TMEM45A: variants seen among roughly 807,000 people sequenced by gnomAD.
TMEM45A encodes transmembrane protein 45A, also known as DNA polymerase-transactivated protein 4.
In TMEM45A, 25 loss-of-function variants were observed where a neutral mutation model predicts 32.0. The ratio of observed to expected loss-of-function variants is 0.78; its 90% CI spans 0.57 to 1.09. TMEM45A has a LOEUF of 1.09. Among genes scored for constraint, TMEM45A ranks in the 50% least tolerant of loss-of-function variants. TMEM45A has a pLI of 0.00. For synonymous variants in TMEM45A, 122 were observed against 114.8 expected, an observed-to-expected ratio of 1.06 and a Z score of -0.40; for missense variants, 302 against 325.0, an observed-to-expected ratio of 0.93 and a Z score of 0.54.
At chr3:100,550,211 A>AAAAAAAAAAG (rs1706067672) in intron 1 of TMEM45A, among the ~76,000 whole-genome samples, 1 of 65,018 alleles carries the variant, frequency 1.5e-5, no homozygotes, top group East Asian at 3.9e-4. Context: ...AAAAAAAGAA[A>AAAAAAAAAAG]AAAAAATAAA....
intron 1 of TMEM45A, among the ~76,000 whole-genome samples, chr3:100,520,381 GA>G (rs1339286226): frequency 1.3e-5 from 2 of 152,020 alleles, no homozygotes; most frequent in Non-Finnish European, 2.9e-5. Flanking sequence ...TTTGGTCCAT[GA>G]AAAAAATAAT....
At chr3:100,536,440 TA>T (rs1211522909) in intron 1 of TMEM45A, among the ~76,000 whole-genome samples, 4 of 152,204 alleles carry the variant, frequency 2.6e-5, no homozygotes, top group African/African-American at 4.8e-5. Flanking sequence ...CTTCCTACAC[TA>T]AAAGATAAGT....
intron 1 of TMEM45A, among the ~76,000 whole-genome samples, chr3:100,505,413 G>A (rs1020692460): frequency 6.6e-6 from 1 of 151,816 alleles, no homozygotes; most frequent in African/African-American, 2.4e-5. Flanking sequence ...TTCAGAAGAA[G>A]ATTTCATTGT....
At chr3:100,562,320 C>T (rs770861848) in intron 4 of TMEM45A, among the ~76,000 whole-genome samples, 19 of 151,902 alleles carry the variant, frequency 1.3e-4, no homozygotes, top group Non-Finnish European at 2.8e-4. Flanking sequence ...GTGGCAGTTT[C>T]TAGCCTTAGT....
In TMEM45A at chr3:100,555,327, A is replaced by G. The variant is rs371234076; in HGVS notation, c.116A>G (p.Tyr39Cys). The G allele has an allele frequency of 4.3e-6, 7 of 1,613,964 alleles. No individual in the cohort carries two copies. Among genetic ancestry groups the G allele is most frequent in the African/African-American group, 2.7e-5 (2 of 74,932 alleles). Residue 39 changes from tyrosine (Y) to cysteine (C), a missense_variant, in exon 2 of 6, where the codon TAT becomes TGT. Transcript: ENST00000323523. Reference sequence around the variant, plus strand: ...TGCAAAAAGCAAAAGCGAACCTGCTATCTTGGTTCCAAAACATTATTCTAT... The same window carrying G: ...TGCAAAAAGCAAAAGCGAACCTGCTGTCTTGGTTCCAAAACATTATTCTAT... ...YICKKQKRTC[Y>C]LGSKTLFYRL...
At chr3:100,541,366 A>G (rs925298737) in intron 1 of TMEM45A, among the ~76,000 whole-genome samples, 1 of 152,046 alleles carries the variant, frequency 6.6e-6, no homozygotes, top group African/African-American at 2.4e-5. Context: ...TTTTGTCGCA[A>G]TTGTTTTTGG....
At chr3:100,526,013 C>T (rs183817277) in intron 1 of TMEM45A, among the ~76,000 whole-genome samples, 24 of 152,310 alleles carry the variant, frequency 1.6e-4, no homozygotes, top group Admixed American at 8.5e-4. Flanking sequence ...TTCTCTCCCG[C>T]GGCTCTGACT....
At chr3:100,522,241 G>A (rs1235781496) in intron 1 of TMEM45A, among the ~76,000 whole-genome samples, 1 of 152,222 alleles carries the variant, frequency 6.6e-6, no homozygotes, top group Non-Finnish European at 1.5e-5. Flanking sequence ...CCAGGCAGTG[G>A]TTTGGGGGGC....
At chr3:100,516,967 G>A (rs569360412) in intron 1 of TMEM45A, among the ~76,000 whole-genome samples, 1 of 152,212 alleles carries the variant, frequency 6.6e-6, no homozygotes, top group East Asian at 1.9e-4. Flanking sequence ...CCTGCTCCCA[G>A]AGAGCTCTGG....
chr3:100,567,037 G>A (rs956921262), intron 4 of TMEM45A, among the ~76,000 whole-genome samples: 3 of 151,652 alleles, frequency 2.0e-5, no homozygotes, highest in South Asian at 2.1e-4. Flanking sequence ...TTTTGGTGTC[G>A]TAGCTTAAAA....
At chr3:100,526,105 A>G (rs1350750146) in intron 1 of TMEM45A, among the ~76,000 whole-genome samples, 1 of 152,042 alleles carries the variant, frequency 6.6e-6, no homozygotes, top group African/African-American at 2.4e-5. Flanking sequence ...TCCCTTTCAT[A>G]TACTCTGTGT....
At chr3:100,575,363 C>CTTTTTTTTTTTTTTTTTT (rs59739893) in intron 5 of TMEM45A, among the ~76,000 whole-genome samples, 1 of 62,762 alleles carries the variant, frequency 1.6e-5, no homozygotes, top group African/African-American at 5.4e-5. Context: ...TATGGATTCT[C>CTTTTTTTTTTTTTTTTTT]TTTTTTTTTT....
intron 1 of TMEM45A, among the ~76,000 whole-genome samples, chr3:100,510,333 T>A (rs1332036008): frequency 2.0e-5 from 3 of 152,160 alleles, no homozygotes; most frequent in Non-Finnish European, 4.4e-5. Flanking sequence ...GCAGCCTAAC[T>A]GGGAGGCACC....
Position 100,568,842 on chromosome 3 carries a change from C to T in TMEM45A, c.609C>T (p.Pro203=), listed in dbSNP as rs752348050. 6.2e-7 allele frequency: 1 copy of T among 1,612,686 alleles called. No homozygotes were observed. The highest frequency in any genetic ancestry group is 8.5e-7 in the Non-Finnish European group (1 of 1,179,066). Residue 203 remains proline (P), a synonymous_variant, in exon 5 of 6, where the codon CCC becomes CCT. Coordinates refer to ENST00000323523, the MANE Select transcript of TMEM45A (RefSeq NM_018004.3). ...TACAGATTGGATTTGTCCTGTATCC[C>T]CCCAGTGGAGGTCCTGCATGGGATC... ...WFFQIGFVLY[P]PSGGPAWDLM...
At chr3:100,510,648 G>C (rs568761557) in intron 1 of TMEM45A, among the ~76,000 whole-genome samples, 176 of 152,370 alleles carry the variant, frequency 1.2e-3, no homozygotes, top group African/African-American at 3.8e-3. Context: ...GCTGAGAGAA[G>C]AAGGCTTCAG....
intron 4 of TMEM45A, among the ~76,000 whole-genome samples, chr3:100,563,190 C>G (rs1706368770): frequency 6.6e-6 from 1 of 152,198 alleles, no homozygotes; most frequent in Admixed American, 6.5e-5. Context: ...AGACTTCATT[C>G]TCTGCCTTTA....
intron 3 of TMEM45A, 45 bp downstream of exon 3, chr3:100,557,017 G>T (rs780306964): frequency 9.1e-5 from 144 of 1,581,376 alleles, no homozygotes; most frequent in Non-Finnish European, 1.1e-4. Context: ...CTATTAGTGA[G>T]CATTTATGTA....
chr3:100,572,760 C>T (rs1284298935), intron 5 of TMEM45A: 2 of 151,034 alleles, frequency 1.3e-5, no homozygotes, highest in East Asian at 1.9e-4. Flanking sequence ...TTTAATCCAT[C>T]TTGAATTAAT....
chr3:100,501,211 T>C (rs1708003902), intron 1 of TMEM45A, among the ~76,000 whole-genome samples: 1 of 152,246 alleles, frequency 6.6e-6, no homozygotes, highest in African/African-American at 2.4e-5. Context: ...CTCCGAAAGA[T>C]AGCACATTGC....
Sources: gnomAD v4.1 joint callset for allele counts (sites outside exome capture counted in the v4.1 genomes callset) on GRCh38, gnomAD v4.1.1 for gene constraint, MANE v1.5 for transcripts, NCBI Gene and HGNC (gene_info 2026-07-23, HGNC 2026-07-21) for gene names.